Variants in MEI1 observed in about 807,000 individuals in gnomAD.
MEI1 encodes meiosis inhibitor protein 1.
A neutral mutation model predicts 146.2 loss-of-function variants in MEI1; 103 were observed. The ratio of observed to expected loss-of-function variants is 0.70; its 90% CI spans 0.60 to 0.83. The LOEUF (loss-of-function observed/expected upper bound fraction) is 0.83, where lower values mean the gene tolerates loss of function less well. Ranked by LOEUF, MEI1 falls within the 40% of genes least tolerant of loss-of-function variation. The probability of loss-of-function intolerance (pLI) is 0.00; values close to 1 mark genes in which losing one functional copy is unlikely to be tolerated. For synonymous variants in MEI1, 652 were observed against 628.2 expected, an observed-to-expected ratio of 1.04 and a Z score of -0.57; for missense variants, 1,529 against 1,533.0, an observed-to-expected ratio of 1.00 and a Z score of 0.04.
At chr22:41,775,852 C>G (rs369993226) in intron 20 of MEI1, among the ~76,000 whole-genome samples, 5 of 152,154 alleles carry the variant, frequency 3.3e-5, no homozygotes, top group African/African-American at 7.2e-5. Flanking sequence ...CCTTGGCCTC[C>G]CAAAGTGCTG....
chr22:41,703,016 C>T (rs1400862464), intron 1 of MEI1, among the ~76,000 whole-genome samples: 1 of 152,178 alleles, frequency 6.6e-6, no homozygotes, highest in African/African-American at 2.4e-5. Flanking sequence ...CCGGGCCCGG[C>T]CTCTGTTTTT....
chr22:41,699,547 G>A lies in MEI1; in HGVS notation c.9G>A (p.Val3=), dbSNP rs2068528267. 1.9e-6 allele frequency: 3 copies of A among 1,611,290 alleles called. No homozygotes were observed. The highest frequency in any genetic ancestry group is 1.7e-4 in the Middle Eastern group (1 of 5,918). The change falls in exon 1 of 31, where the codon GTG becomes GTA. Residue 3 remains valine (V), a synonymous_variant. Transcript: ENST00000401548. ...TGAGGGCAAGCGAGGAGATGGCTGT[G>A]AGGCAGGCGGCGACGGCGGGCACTC... The part of the protein sequence containing the change: MA[V]RQAATAGTPG...
chr22:41,763,242 A>AGC lies in MEI1; in HGVS notation c.2192_2193dup (p.Pro732AlafsTer36), dbSNP rs746498922. On this transcript the variant is annotated frameshift_variant, in exon 19 of 31. Coordinates refer to ENST00000401548, the MANE Select transcript of MEI1 (RefSeq NM_152513.4). LOFTEE classifies it high-confidence loss of function. ...CTCCTGTCGCTGCAGGACCAGGGCG[A>AGC]GCGCCCCCCACTGGTGGTCTTCAAA... 1.2e-6 allele frequency: 2 copies of AGC among 1,613,766 alleles called. No individual in the cohort carries two copies. Among genetic ancestry groups the AGC allele is most frequent in the Admixed American group, 3.3e-5 (2 of 59,990 alleles).
chr22:41,760,945 T>C (rs1374467720), intron 18 of MEI1, among the ~76,000 whole-genome samples: 1 of 144,532 alleles, frequency 6.9e-6, no homozygotes, highest in Non-Finnish European at 1.5e-5. Context: ...TGCCTGGCTT[T>C]GATTTCACTT....
At chr22:41,708,498 A>C (rs2069274601) in intron 3 of MEI1, among the ~76,000 whole-genome samples, 1 of 152,100 alleles carries the variant, frequency 6.6e-6, no homozygotes, top group Non-Finnish European at 1.5e-5. Flanking sequence ...ATGGGCAGAC[A>C]GTCGTTAACA....
intron 3 of MEI1, among the ~76,000 whole-genome samples, chr22:41,710,320 C>G (rs1193708220): frequency 6.6e-6 from 1 of 152,132 alleles, no homozygotes; most frequent in Admixed American, 6.6e-5. Flanking sequence ...TTTAAGCCAT[C>G]CAGTCTGTGG....
intron 11 of MEI1, among the ~76,000 whole-genome samples, chr22:41,736,252 T>C (rs894481658): frequency 3.6e-5 from 4 of 109,854 alleles, no homozygotes; most frequent in Non-Finnish European, 1.7e-5. Context: ...TTTTTTCTTT[T>C]TCTTTTTTTT....
intron 11 of MEI1, among the ~76,000 whole-genome samples, chr22:41,741,151 G>A (rs1289149162): frequency 6.6e-6 from 1 of 152,196 alleles, no homozygotes; most frequent in East Asian, 1.9e-4. Flanking sequence ...GTGTCAGGCT[G>A]CATTCAAAGT....
rs573806547 is a variant in MEI1, at chr22:41,702,612, A to G, written c.175-719A>G. Among the ~76,000 whole-genome samples, 320 of 151,808 alleles carry G rather than the reference A, an allele frequency of 2.1e-3. 2 individuals carry two copies. Among genetic ancestry groups the G allele is most frequent in the African/African-American group, 7.3e-3 (302 of 41,372 alleles). ...AGGCATGCGCCACCACGCCTAGCTA[A>G]TTTTGTATTCTTAGTAGAAACCGGG... On this transcript the variant is annotated intron_variant, in intron 1 of 30. Transcript: ENST00000401548.
At position 41,793,909 on chromosome 22, in the gene MEI1, T is replaced by C. The variant is rs757107276; in HGVS notation, c.3426T>C (p.Ile1142=). 2.5e-6 allele frequency: 4 copies of C among 1,611,156 alleles called. No homozygotes were observed. The South Asian group carries it at 3.3e-5, about 13-fold the overall frequency. The change falls in exon 27 of 31, where the codon ATT becomes ATC. Residue 1142 remains isoleucine (I), a splice_region_variant and synonymous_variant. Transcript: ENST00000401548. The stretch of plus-strand genomic sequence containing the variant: ...ACCTGGATGCCCGGAGCCCAGACAT[T>C]GGTAGAAACTCTCCACATTATCTGA... ...LDYLDARSPD[I]ALHVASQPWN...
chr22:41,799,189 G>C, intron 30 of MEI1, 65 bp from the exon 31 acceptor site: 1 of 1,504,076 alleles, frequency 6.6e-7, no homozygotes, highest in Non-Finnish European at 9.2e-7. Flanking sequence ...TTGGGCTCTG[G>C]AAGTGTGATG....
intron 7 of MEI1, among the ~76,000 whole-genome samples, chr22:41,724,496 T>C (rs1350711688): frequency 6.6e-6 from 1 of 151,818 alleles, no homozygotes; most frequent in Non-Finnish European, 1.5e-5. Context: ...CACACACCTG[T>C]AGTCCCAGCT....
chr22:41,714,892 T>A (rs968890236), intron 4 of MEI1, among the ~76,000 whole-genome samples: 2 of 151,086 alleles, frequency 1.3e-5, no homozygotes, highest in Non-Finnish European at 3.0e-5. Flanking sequence ...AAAAAAAAAA[T>A]ATCAGTTAAA....
intron 15 of MEI1, among the ~76,000 whole-genome samples, chr22:41,750,212 A>G (rs1342242037): frequency 6.6e-6 from 1 of 152,210 alleles, no homozygotes; most frequent in East Asian, 1.9e-4. Flanking sequence ...ATGATGAAAG[A>G]AGCCAAGACA....
chr22:41,724,160 A>G, intron 7 of MEI1, 87 bp downstream of exon 7: 1 of 1,494,414 alleles, frequency 6.7e-7, no homozygotes, highest in Non-Finnish European at 9.1e-7. Context: ...TACCACTCCT[A>G]TCTCAGATTT....
At chr22:41,743,657 G>A (rs2073059950) in intron 12 of MEI1, among the ~76,000 whole-genome samples, 1 of 152,184 alleles carries the variant, frequency 6.6e-6, no homozygotes, top group South Asian at 2.1e-4. Flanking sequence ...GAAAGACACT[G>A]TCAGTGTGAA....
intron 18 of MEI1, among the ~76,000 whole-genome samples, chr22:41,760,463 C>T (rs1228265887): frequency 1.3e-5 from 2 of 152,092 alleles, no homozygotes; most frequent in African/African-American, 4.8e-5. Context: ...GAGCTGAGAT[C>T]GTGCCACTGC....
At chr22:41,731,204 C>T (rs1336575816) in intron 9 of MEI1, among the ~76,000 whole-genome samples, 1 of 151,898 alleles carries the variant, frequency 6.6e-6, no homozygotes, top group Non-Finnish European at 1.5e-5. Context: ...CAGGCATGTG[C>T]CACCACGCCC....
rs539331123 is a variant in MEI1 at position 41,770,760 on chromosome 22, C to T, written c.2343C>T (p.Leu781=). The T allele has an allele frequency of 6.2e-7, 1 of 1,613,820 alleles. No homozygotes were observed. The highest frequency in any genetic ancestry group is 8.5e-7 in the Non-Finnish European group (1 of 1,179,868). ...AGCTAGTCTATACTCACCATCCGCT[C>T]CTGCTCAGGTTCTTTCTGTTGTATC... ...DLQLVYTHHP[L]LLRFFLLYPE... is the part of the protein sequence containing the mutation. Residue 781 remains leucine, a synonymous_variant, in exon 20 of 31, where the codon CTC becomes CTT. Coordinates refer to ENST00000401548, the MANE Select transcript of MEI1 (RefSeq NM_152513.4).
Sources: gnomAD v4.1 joint callset for allele counts (sites outside exome capture counted in the v4.1 genomes callset) on GRCh38, gnomAD v4.1.1 for gene constraint, MANE v1.5 for transcripts, NCBI Gene and HGNC (gene_info 2026-07-23, HGNC 2026-07-21) for gene names.